ACSL4: variants seen among roughly 807,000 people sequenced by gnomAD.
The protein encoded by ACSL4 is acyl-CoA synthetase long chain family member 4.
Under a neutral mutation model 49.1 loss-of-function variants are expected in ACSL4, and 9 were observed. The ratio of observed to expected loss-of-function variants is 0.18; its 90% CI spans 0.11 to 0.32. The LOEUF (loss-of-function observed/expected upper bound fraction) is 0.32, where lower values mean the gene tolerates loss of function less well. ACSL4 is among the 10% of genes least tolerant of loss of function. The pLI, the probability that ACSL4 is intolerant of heterozygous loss-of-function variation, is 1.00. For synonymous variants in ACSL4, 191 were observed against 170.3 expected (o/e 1.12, Z -0.95); for missense variants, 333 against 493.7 (o/e 0.67, Z 3.08).
intron 1 of ACSL4, among the ~76,000 whole-genome samples, chrX:109,727,820 G>A (rs1208933521): frequency 1.8e-5 from 2 of 111,221 alleles, no homozygotes; most frequent in African/African-American, 3.3e-5. Flanking sequence ...CAGCTCTGAT[G>A]TTGTATTGTG....
rs1427827698 is a variant in ACSL4, at chrX:109,648,291, C to A, written c.1856-4105G>T. Among the ~76,000 whole-genome samples, 195 of 111,365 alleles carry A rather than the reference C, an allele frequency of 1.8e-3. 1 individual carries two copies. The highest frequency in any genetic ancestry group is 5.8e-3 in the African/African-American group (177 of 30,612). On this transcript the variant is annotated intron_variant, in intron 15 of 15. Transcript: ENST00000672401. The stretch of plus-strand genomic sequence containing the variant: ...AAATCCTCAATAAAATACTGGCAAA[C>A]CGAATCCAGCAGCATATCAAAAAGC...
chrX:109,656,770 C>A (rs372491660), intron 15 of ACSL4, among the ~76,000 whole-genome samples: 17 of 109,112 alleles, frequency 1.6e-4, no homozygotes, highest in South Asian at 1.2e-3. Context: ...ATCAGCCACC[C>A]ACATGGAATC....
intron 1 of ACSL4, among the ~76,000 whole-genome samples, chrX:109,715,198 G>A (rs891634995): frequency 4.5e-5 from 5 of 112,253 alleles, no homozygotes; most frequent in Non-Finnish European, 9.4e-5. Flanking sequence ...AAAGATTTTG[G>A]TAGAAAAACA....
intron 1 of ACSL4, among the ~76,000 whole-genome samples, chrX:109,705,530 T>C (rs1187413516): frequency 1.8e-5 from 2 of 112,701 alleles, no homozygotes; most frequent in Non-Finnish European, 3.7e-5. Context: ...AACCATACTT[T>C]TTATCTCGGC....
At chrX:109,675,459 G>A (rs1923599584) in intron 8 of ACSL4, among the ~76,000 whole-genome samples, 1 of 112,339 alleles carries the variant, frequency 8.9e-6, no homozygotes, top group Non-Finnish European at 1.9e-5. Flanking sequence ...CAGTGTTTTA[G>A]ATTCCTAGTA....
intron 12 of ACSL4, among the ~76,000 whole-genome samples, chrX:109,663,809 A>G (rs1603401960): frequency 9.0e-6 from 1 of 111,663 alleles, no homozygotes; most frequent in East Asian, 2.8e-4. Context: ...ACCAAAAAGA[A>G]CATGCAGTAA....
At position 109,682,714 on chromosome X, in the gene ACSL4, C is replaced by CGTAA; in HGVS notation, c.406+4_406+5insTTAC. ...CTCCCCCCTCCAAAAACACAAGGCA[C>CGTAA]TTACGAGGAAAGTTGTACTTAAAGC... On this transcript the variant is annotated splice_donor_region_variant and intron_variant, in intron 4 of 15. Transcript: ENST00000672401. 1 of 1,211,545 alleles carries CGTAA rather than the reference C, an allele frequency of 8.3e-7. No individual in the cohort carries two copies. The highest frequency in any genetic ancestry group is 1.1e-6 in the Non-Finnish European group (1 of 895,353).
At chrX:109,653,279 G>C (rs1921310907) in intron 15 of ACSL4, among the ~76,000 whole-genome samples, 1 of 111,774 alleles carries the variant, frequency 8.9e-6, no homozygotes, top group Admixed American at 9.5e-5. Context: ...AGTTAGAATG[G>C]CAATCATTAA....
At chrX:109,698,114 G>A (rs1404830666) in intron 1 of ACSL4, among the ~76,000 whole-genome samples, 1 of 111,409 alleles carries the variant, frequency 9.0e-6, no homozygotes, top group African/African-American at 3.3e-5. Context: ...CCCCAAATTG[G>A]CTGAGCAGGA....
chrX:109,687,623 G>A (rs1226729435), intron 2 of ACSL4, among the ~76,000 whole-genome samples: 1 of 111,607 alleles, frequency 9.0e-6, no homozygotes, highest in Non-Finnish European at 1.9e-5. Flanking sequence ...AATACCTAAC[G>A]TAGATGATGG....
At chrX:109,680,891 TCA>T in intron 6 of ACSL4, 105 bp downstream of exon 6, 1 of 860,821 alleles carries the variant, frequency 1.2e-6, no homozygotes. Flanking sequence ...CTTTTTTTTT[TCA>T]GTCAAAGAAC....
chrX:109,730,236 T>C (rs953864586), intron 1 of ACSL4, among the ~76,000 whole-genome samples: 1 of 111,765 alleles, frequency 8.9e-6, no homozygotes, highest in African/African-American at 3.3e-5. Context: ...TTCTTACAAC[T>C]ATATGTGAAT....
intron 1 of ACSL4, among the ~76,000 whole-genome samples, chrX:109,727,584 T>C (rs777320601): frequency 1.4e-3 from 152 of 110,838 alleles, no homozygotes; most frequent in Non-Finnish European, 2.5e-3. Flanking sequence ...AGAAAATGAA[T>C]GCACTCTCCT....
chrX:109,706,609 GA>G (rs1926370224), intron 1 of ACSL4, among the ~76,000 whole-genome samples: 1 of 112,140 alleles, frequency 8.9e-6, no homozygotes, highest in Admixed American at 9.5e-5. Context: ...AACTACTGGG[GA>G]AAAAACTTTC....
At chrX:109,696,232 A>G (rs1018867081) in intron 1 of ACSL4, 36 bp from the exon 2 acceptor site, 1 of 112,501 alleles carries the variant, frequency 8.9e-6, no homozygotes, top group Non-Finnish European at 1.9e-5. Flanking sequence ...GTACAGTGAC[A>G]TAAGAAAAGT....
Position 109,681,059 on chromosome X carries a change from A to G in ACSL4, c.594T>C (p.Pro198=). ...DNKAINKAEY[P]EGFEIHSMQS... Reference sequence around the variant, plus strand: ...GCATGCTGTGAATCTCAAATCCTTCAGGGTACTCTGCTTTATTGATAGCCT... The same window carrying G: ...GCATGCTGTGAATCTCAAATCCTTCGGGGTACTCTGCTTTATTGATAGCCT... The change falls in exon 6 of 16, where the codon CCT becomes CCC. Residue 198 remains proline (P), a synonymous_variant. Coordinates refer to ENST00000672401, the MANE Select transcript of ACSL4 (RefSeq NM_001318510.2). The G allele has an allele frequency of 8.3e-7, 1 of 1,210,020 alleles. No homozygotes were observed. The highest frequency in any genetic ancestry group is 1.1e-6 in the Non-Finnish European group (1 of 894,117).
rs767492755 is a variant in ACSL4, at chrX:109,641,763, T to A, written c.*2266A>T. 1.2e-4 allele frequency: 13 copies of A among 112,643 alleles called. No homozygotes were observed. The highest frequency in any genetic ancestry group is 3.5e-4 in the African/African-American group (11 of 31,088). 9.3% of individuals were successfully genotyped at this position (112,643 alleles called of 1,213,427 possible). ...ACAAATATCAAGGAGGCAGGAACAT[T>A]CATGGAATTAAAGCAAAAGTCACAA... On this transcript the variant is annotated 3_prime_UTR_variant, in exon 16 of 16. Coordinates refer to ENST00000672401, the MANE Select transcript of ACSL4 (RefSeq NM_001318510.2).
intron 15 of ACSL4, among the ~76,000 whole-genome samples, chrX:109,648,751 G>A (rs201465281): frequency 0.22 from 22,298 of 102,035 alleles, 2,689 homozygotes; most frequent in East Asian, 0.54. Flanking sequence ...GTTTGCAGAC[G>A]ACATGATTGT....
chrX:109,653,112 TCA>T (rs1223601229), intron 15 of ACSL4, among the ~76,000 whole-genome samples: 1 of 111,658 alleles, frequency 9.0e-6, no homozygotes, highest in Non-Finnish European at 1.9e-5. Context: ...ATAAGCCGGT[TCA>T]GTTTTCCTGG....
Sources: gnomAD v4.1 joint callset for allele counts (sites outside exome capture counted in the v4.1 genomes callset) on GRCh38, gnomAD v4.1.1 for gene constraint, MANE v1.5 for transcripts, NCBI Gene and HGNC (gene_info 2026-07-23, HGNC 2026-07-21) for gene names.